DMD: variants seen among roughly 807,000 people sequenced by gnomAD.
The protein encoded by DMD is mutant dystrophin.
DMD carries 63 observed loss-of-function variants against 330.1 expected under a neutral mutation model. That is an observed-to-expected ratio of 0.19 (90% CI 0.16 to 0.24). The LOEUF (loss-of-function observed/expected upper bound fraction) is 0.24, where lower values mean the gene tolerates loss of function less well. Among genes scored for constraint, DMD ranks in the 10% least tolerant of loss-of-function variants. The probability of loss-of-function intolerance (pLI) is 1.00; values close to 1 mark genes in which losing one functional copy is unlikely to be tolerated. For synonymous variants in DMD, 1,223 were observed against 959.8 expected (o/e 1.27, Z -5.07); for missense variants, 3,344 against 2,684.1 (o/e 1.25, Z -5.43).
chrX:31,341,889 G>GCACACACACA (rs1239381351), intron 61 of DMD, among the ~76,000 whole-genome samples: 2 of 65,069 alleles, frequency 3.1e-5, no homozygotes, highest in African/African-American at 1.2e-4. Context: ...GCGTGCGCGC[G>GCACACACACA]CGCACACACA....
At chrX:32,013,322 T>C (rs972278823) in intron 44 of DMD, among the ~76,000 whole-genome samples, 5 of 110,594 alleles carry the variant, frequency 4.5e-5, no homozygotes, top group Admixed American at 3.8e-4. Context: ...CCTGACCTCG[T>C]GATCTGCCCA....
intron 7 of DMD, among the ~76,000 whole-genome samples, chrX:32,737,214 G>C (rs1371930048): frequency 9.1e-6 from 1 of 110,247 alleles, no homozygotes; most frequent in African/African-American, 3.3e-5. Context: ...GGTGCTTCAA[G>C]ACGTGAAGTG....
chrX:31,392,600 G>A (rs187373210), intron 60 of DMD, among the ~76,000 whole-genome samples: 66 of 111,967 alleles, frequency 5.9e-4, no homozygotes, highest in African/African-American at 1.9e-3. Context: ...ACTGAAGCGC[G>A]AACTGTGTCT....
chrX:32,513,223 G>C (rs2045522675), intron 18 of DMD, among the ~76,000 whole-genome samples: 1 of 112,216 alleles, frequency 8.9e-6, no homozygotes, highest in South Asian at 3.7e-4. Flanking sequence ...ACATCTAGCA[G>C]TTCCAAAGCC....
intron 44 of DMD, among the ~76,000 whole-genome samples, chrX:32,196,863 G>T: frequency 9.2e-6 from 1 of 108,255 alleles, no homozygotes; most frequent in East Asian, 2.9e-4. Flanking sequence ...GCCAGCGCCT[G>T]TAGTACCAGC....
chrX:32,084,220 C>CAGTG (rs777665177), intron 44 of DMD, among the ~76,000 whole-genome samples: 1 of 111,260 alleles, frequency 9.0e-6, no homozygotes, highest in Non-Finnish European at 1.9e-5. Flanking sequence ...AGAGACAATA[C>CAGTG]AGTGAGTGAG....
Position 31,820,038 on chromosome X carries a change from A to C in DMD, c.7246T>G (p.Leu2416Val). ...TGCTTTGCCCTCAGCTCTTGAAGTA[A>C]ACGGTTTACCGCCTTCCACTCAGAG... ...LSSEWKAVNR[L>V]LQELRAKQPD... The change falls in exon 50 of 79, where the codon TTA becomes GTA. Residue 2416 changes from leucine to valine, a missense_variant. Physicochemically the swap from Leu to Val is conservative, Grantham distance 32 (BLOSUM62 1). Coordinates refer to ENST00000357033, the MANE Select transcript of DMD (RefSeq NM_004006.3). 3.3e-6 allele frequency: 4 copies of C among 1,211,706 alleles called. No individual in the cohort carries two copies. The highest frequency in any genetic ancestry group is 4.5e-6 in the Non-Finnish European group (4 of 895,432).
At chrX:33,266,672 A>T (rs2053046541) in intron 1 of DMD, among the ~76,000 whole-genome samples, 2 of 111,871 alleles carry the variant, frequency 1.8e-5, no homozygotes, top group African/African-American at 6.5e-5. Context: ...TGTCACTTAA[A>T]TATTTTTAAT....
intron 1 of DMD, among the ~76,000 whole-genome samples, chrX:33,319,480 C>A (rs1372226636): frequency 9.0e-6 from 1 of 111,101 alleles, no homozygotes; most frequent in Non-Finnish European, 1.9e-5. Flanking sequence ...TGAAAATGCA[C>A]TAGAGAGACA....
intron 62 of DMD, among the ~76,000 whole-genome samples, chrX:31,310,689 C>A (rs1347198046): frequency 9.1e-6 from 1 of 109,295 alleles, no homozygotes; most frequent in African/African-American, 3.3e-5. Flanking sequence ...GTGCCTGGGA[C>A]CACAAGCACA....
intron 28 of DMD, among the ~76,000 whole-genome samples, chrX:32,439,231 C>T (rs1468545359): frequency 9.0e-6 from 1 of 111,445 alleles, no homozygotes; most frequent in Non-Finnish European, 1.9e-5. Flanking sequence ...AAATGAAAAT[C>T]TTCCAATACA....
intron 1 of DMD, among the ~76,000 whole-genome samples, chrX:33,335,527 T>C (rs763317148): frequency 2.7e-5 from 3 of 110,992 alleles, no homozygotes; most frequent in Non-Finnish European, 5.7e-5. Flanking sequence ...TAGGATGTTA[T>C]ACTTATTCCT....
intron 55 of DMD, among the ~76,000 whole-genome samples, chrX:31,575,036 G>A (rs2076028131): frequency 9.0e-6 from 1 of 111,486 alleles, no homozygotes; most frequent in Non-Finnish European, 1.9e-5. Flanking sequence ...CAGAATGAAA[G>A]ATTCCTGAGG....
chrX:32,836,382 T>A (rs962744386), intron 4 of DMD, among the ~76,000 whole-genome samples: 3 of 110,841 alleles, frequency 2.7e-5, no homozygotes, highest in Non-Finnish European at 5.7e-5. Flanking sequence ...GTAAAACCCG[T>A]TTTTGGTTTC....
At chrX:31,267,001 C>T in intron 62 of DMD, 4 of 718,844 alleles carry the variant, frequency 5.6e-6, no homozygotes, top group Non-Finnish European at 7.5e-6. Context: ...TGCGGGCAGA[C>T]GGGGCGGGGC....
At chrX:32,012,063 C>G (rs1197940644) in intron 44 of DMD, among the ~76,000 whole-genome samples, 1 of 112,251 alleles carries the variant, frequency 8.9e-6, no homozygotes, top group Non-Finnish European at 1.9e-5. Context: ...TCTTTCATTT[C>G]TATTCTCATT....
At chrX:32,204,009 A>C (rs1489629329) in intron 44 of DMD, among the ~76,000 whole-genome samples, 1 of 111,859 alleles carries the variant, frequency 8.9e-6, no homozygotes, top group East Asian at 2.8e-4. Context: ...TCATAACTAA[A>C]TAACATTTTT....
intron 1 of DMD, among the ~76,000 whole-genome samples, chrX:33,110,516 T>G (rs1047185110): frequency 9.0e-6 from 1 of 111,674 alleles, no homozygotes; most frequent in Admixed American, 9.6e-5. Context: ...CACTGGTATA[T>G]ATTAACATAT....
At chrX:31,489,561 A>G (rs1323413337) in intron 57 of DMD, among the ~76,000 whole-genome samples, 1 of 112,142 alleles carries the variant, frequency 8.9e-6, no homozygotes, top group African/African-American at 3.2e-5. Context: ...ATATTAATTT[A>G]TGGGTTTACT....
Sources: allele counts gnomAD v4.1 joint callset (sites outside exome capture counted in the v4.1 genomes callset), GRCh38; gene constraint gnomAD v4.1.1; transcripts MANE v1.5; gene names NCBI Gene and HGNC (gene_info 2026-07-23, HGNC 2026-07-21).